Variants in BCR observed in about 807,000 individuals in gnomAD.
BCR encodes breakpoint cluster region protein.
Under a neutral mutation model 138.6 loss-of-function variants are expected in BCR, and 58 were observed. The observed-to-expected ratio is 0.42, with a 90% CI of 0.34 to 0.52. The LOEUF is 0.52. Ranked by LOEUF, BCR falls within the 20% of genes least tolerant of loss-of-function variation. The probability of loss-of-function intolerance (pLI) is 0.06; values close to 1 mark genes in which losing one functional copy is unlikely to be tolerated. For synonymous variants in BCR, 786 were observed against 730.1 expected (o/e 1.08, Z -1.23); for missense variants, 1,599 against 1,727.2 (o/e 0.93, Z 1.32).
At chr22:23,237,377 C>G (rs962580879) in intron 1 of BCR, among the ~76,000 whole-genome samples, 1 of 152,178 alleles carries the variant, frequency 6.6e-6, no homozygotes, top group African/African-American at 2.4e-5. Flanking sequence ...GGTTCCCGAG[C>G]CTGGCCGATT....
intron 1 of BCR, among the ~76,000 whole-genome samples, chr22:23,241,282 G>A (rs948965083): frequency 6.6e-5 from 10 of 152,194 alleles, no homozygotes; most frequent in Non-Finnish European, 1.0e-4. Context: ...CCCTGGCCCC[G>A]GGCTCAGGGT....
At chr22:23,311,642 T>C in intron 18 of BCR, 55 bp from the exon 19 acceptor site, 2 of 1,456,986 alleles carry the variant, frequency 1.4e-6, no homozygotes, top group South Asian at 2.4e-5. Flanking sequence ...AGGTCTCCTG[T>C]GTTATGGCCC....
At chr22:23,223,041 T>A (rs1282567965) in intron 1 of BCR, among the ~76,000 whole-genome samples, 1 of 152,212 alleles carries the variant, frequency 6.6e-6, no homozygotes, top group Non-Finnish European at 1.5e-5. Flanking sequence ...AGAAGCTCTC[T>A]TGGGCTTCTT....
chr22:23,288,521 G>A (rs1330231445), intron 12 of BCR, among the ~76,000 whole-genome samples: 2 of 105,148 alleles, frequency 1.9e-5, no homozygotes, highest in South Asian at 5.9e-4. Context: ...CCGCACCCCC[G>A]GCCTGCCCCC....
At position 23,289,569 on chromosome 22, in the gene BCR, G is replaced by T. The variant is rs141997637; in HGVS notation, c.2655G>T (p.Ser885=). The T allele has an allele frequency of 5.0e-6, 8 of 1,614,108 alleles. No individual in the cohort carries two copies. The African/African-American group carries it at 8.0e-5, about 16-fold the overall frequency. ...TGGAGCTGCAGATGCTGACCAACTC[G>T]TGTGTGAAACTCCAGACTGTCCACA... ...TSVELQMLTN[S]CVKLQTVHSI... is the part of the protein sequence containing the mutation. The change falls in exon 13 of 23, where the codon TCG becomes TCT. Residue 885 remains serine, a synonymous_variant. Transcript: ENST00000305877.
At chr22:23,189,184 A>G (rs769376425) in intron 1 of BCR, among the ~76,000 whole-genome samples, 2 of 151,924 alleles carry the variant, frequency 1.3e-5, no homozygotes, top group Non-Finnish European at 2.9e-5. Flanking sequence ...AAGATGCACC[A>G]TTTTCTCCAT....
rs111460277 is a variant in BCR at position 23,293,561 on chromosome 22, G to C, written c.2880+923G>C. 8.9e-3 allele frequency among the ~76,000 whole-genome samples: 1,361 copies of C among 152,214 alleles called. 17 individuals carry two copies. Among genetic ancestry groups the C allele is most frequent in the African/African-American group, 0.031 (1,299 of 41,516 alleles). Reference sequence around the variant, plus strand: ...CTGAGTGGCAGCTGTGATGAGAGGGGGTATAAGAGCCACAGGGGATCCATC... The same window carrying C: ...CTGAGTGGCAGCTGTGATGAGAGGGCGTATAAGAGCCACAGGGGATCCATC... On this transcript the variant is annotated intron_variant, in intron 15 of 22. Transcript: ENST00000305877.
chr22:23,294,387 A>G (rs1044896274), intron 15 of BCR, among the ~76,000 whole-genome samples: 1 of 152,232 alleles, frequency 6.6e-6, no homozygotes, highest in South Asian at 2.1e-4. Flanking sequence ...ACAGATCATT[A>G]TCTTTCAGAG....
rs2072235695 is a variant in BCR, at chr22:23,180,827, A to G, written c.-134A>G. The G allele has an allele frequency of 2.8e-6, 1 of 357,056 alleles. No homozygotes were observed. Among genetic ancestry groups the G allele is most frequent in the Non-Finnish European group, 3.8e-6 (1 of 261,588 alleles). The allele number at this position is 357,056 out of a possible 1,614,324, so 22.1% of individuals were successfully genotyped here. A position where few individuals can be genotyped will look rare whatever the true frequency, so the allele number is the denominator to read the frequency against. The stretch of plus-strand genomic sequence containing the variant: ...ACCTGCCACCAGGGAGTGGGCGGGC[A>G]TTGTTCGCCGCCGCCGCCGCCGCGC... On this transcript the variant is annotated 5_prime_UTR_variant, in exon 1 of 23. Coordinates refer to ENST00000305877, the MANE Select transcript of BCR (RefSeq NM_004327.4).
intron 8 of BCR, among the ~76,000 whole-genome samples, chr22:23,276,175 G>A (rs980918033): frequency 3.9e-5 from 6 of 152,150 alleles, no homozygotes; most frequent in South Asian, 2.1e-4. Flanking sequence ...CGAGGCAGGC[G>A]GATCACCAGG....
chr22:23,315,015 G>T (rs2074053001), intron 22 of BCR, among the ~76,000 whole-genome samples: 1 of 152,202 alleles, frequency 6.6e-6, no homozygotes, highest in South Asian at 2.1e-4. Context: ...AATCCCAGGT[G>T]TTTGAAACCA....
chr22:23,199,673 G>T (rs2072526690), intron 1 of BCR, among the ~76,000 whole-genome samples: 1 of 152,212 alleles, frequency 6.6e-6, no homozygotes, highest in South Asian at 2.1e-4. Context: ...GAGTGCAGGG[G>T]ATAGATCTGA....
intron 1 of BCR, among the ~76,000 whole-genome samples, chr22:23,237,956 G>A (rs982866840): frequency 1.3e-5 from 2 of 152,216 alleles, no homozygotes; most frequent in Non-Finnish European, 2.9e-5. Flanking sequence ...GTGGGAGTGC[G>A]TGAACAGGTG....
intron 1 of BCR, among the ~76,000 whole-genome samples, chr22:23,201,603 A>G (rs572298631): frequency 3.3e-5 from 5 of 152,216 alleles, no homozygotes; most frequent in East Asian, 3.9e-4. Context: ...GACTACAGGC[A>G]CCCACCACCA....
chr22:23,289,486 C>G (rs757246410), intron 12 of BCR, 31 bp from the exon 13 acceptor site: 5 of 1,576,862 alleles, frequency 3.2e-6, no homozygotes, highest in Admixed American at 3.3e-5. Flanking sequence ...GCAGATTGAC[C>G]AATTGGTGCA....
At chr22:23,277,405 C>G (rs772628572) in intron 8 of BCR, among the ~76,000 whole-genome samples, 1 of 152,208 alleles carries the variant, frequency 6.6e-6, no homozygotes, top group African/African-American at 2.4e-5. Context: ...TCCCTTCCTC[C>G]TCTGTGAGCC....
In BCR at chr22:23,253,975, A is replaced by G. The variant is rs1374223887; in HGVS notation, c.1456A>G (p.Lys486Glu). Residue 486 changes from lysine to glutamate, a missense_variant, in exon 2 of 23, where the codon AAA becomes GAA. Physicochemically the swap from Lys to Glu is moderately conservative, Grantham distance 56 (BLOSUM62 1). Around this residue, in one of 4 missense-constraint regions of BCR, gnomAD observed 590 missense variants for 762.4 expected, o/e 0.77. Coordinates refer to ENST00000305877, the MANE Select transcript of BCR (RefSeq NM_004327.4). Reference protein sequence around the residue: ...ALVSGALESTKASELDLEKGL... With the variant: ...ALVSGALESTEASELDLEKGL... ...GGTCTCGGGAGCCCTGGAGTCCACT[A>G]AAGCGGTGAGTCCCCATGGTGTACG... is the stretch of plus-strand genomic sequence containing the variant. 1.9e-6 allele frequency: 3 copies of G among 1,611,496 alleles called. No individual in the cohort carries two copies. In the South Asian group the frequency reaches 3.3e-5, roughly 18 times the overall value.
At chr22:23,249,321 A>G (rs2073195063) in intron 1 of BCR, among the ~76,000 whole-genome samples, 1 of 151,204 alleles carries the variant, frequency 6.6e-6, no homozygotes, top group African/African-American at 2.4e-5. Flanking sequence ...AGTCCCAGCT[A>G]CTCCGGAGGC....
At chr22:23,218,305 C>T (rs75847398) in intron 1 of BCR, among the ~76,000 whole-genome samples, 2 of 152,350 alleles carry the variant, frequency 1.3e-5, no homozygotes, top group African/African-American at 2.4e-5. Flanking sequence ...CAGTGCCTCA[C>T]GCCCAGGGTG....
Sources: allele counts gnomAD v4.1 joint callset (sites outside exome capture counted in the v4.1 genomes callset), GRCh38; gene constraint gnomAD v4.1.1; regional missense constraint gnomAD v4.1.1; transcripts MANE v1.5; gene names NCBI Gene and HGNC (gene_info 2026-07-23, HGNC 2026-07-21).